MAEL: variants seen among roughly 807,000 people sequenced by gnomAD.
MAEL encodes maelstrom spermatogenic transposon silencer.
Under a neutral mutation model 62.0 loss-of-function variants are expected in MAEL, and 46 were observed. The observed-to-expected ratio is 0.74, with a 90% CI of 0.59 to 0.95. The LOEUF (loss-of-function observed/expected upper bound fraction) is 0.95. Among genes scored for constraint, MAEL ranks in the 40% least tolerant of loss-of-function variants. The pLI is 0.00. For synonymous variants in MAEL, 172 were observed against 175.5 expected (o/e 0.98, Z 0.16); for missense variants, 497 against 526.8 (o/e 0.94, Z 0.55).
chr1:167,016,974 A>G (rs1665421769), intron 9 of MAEL, among the ~76,000 whole-genome samples: 1 of 152,142 alleles, frequency 6.6e-6, no homozygotes, highest in African/African-American at 2.4e-5. Flanking sequence ...AGGAATGATT[A>G]CTAGAGGCTA....
chr1:167,004,305 G>A lies in MAEL; in HGVS notation c.648+1G>A. The A allele has an allele frequency of 6.3e-7, 1 of 1,584,622 alleles. No homozygotes were observed. Among genetic ancestry groups the A allele is most frequent in the Non-Finnish European group, 8.5e-7 (1 of 1,169,856 alleles). ...GAACTGGCCACCTATCTACTGCAAGGTAATTTCAGGTTAAGAAGTTCTTTT... is the reference window on the plus strand; with the variant it reads ...GAACTGGCCACCTATCTACTGCAAGATAATTTCAGGTTAAGAAGTTCTTTT... On this transcript the variant is annotated splice_donor_variant, in intron 6 of 11. Coordinates refer to ENST00000367872, the MANE Select transcript of MAEL (RefSeq NM_032858.3). LOFTEE classifies it high-confidence loss of function.
chr1:167,004,264 T>C lies in MAEL; in HGVS notation c.608T>C (p.Ile203Thr). 6.2e-7 allele frequency: 1 copy of C among 1,609,462 alleles called. No individual in the cohort carries two copies. The highest frequency in any genetic ancestry group is 8.5e-7 in the Non-Finnish European group (1 of 1,177,986). ...GTGTTACAAAACCTTTATAGATTTA[T>C]TCATCCCAACCCAGGGAACTGGCCA... ...ATVLQNLYRF[I>T]HPNPGNWPPI... Residue 203 changes from isoleucine to threonine, a missense_variant, in exon 6 of 12, where the codon ATT becomes ACT. Coordinates refer to ENST00000367872, the MANE Select transcript of MAEL (RefSeq NM_032858.3).
rs767215704 is a variant in MAEL, at chr1:167,017,916, G to T, written c.998G>T (p.Ser333Ile). 1.2e-6 allele frequency: 2 copies of T among 1,613,378 alleles called. No individual in the cohort carries two copies. The highest frequency in any genetic ancestry group is 2.2e-5 in the South Asian group (2 of 91,012). Reference protein sequence around the residue: ...VPLQDYEASNSVTPKMVVLDA... With the variant: ...VPLQDYEASNIVTPKMVVLDA... ...CTACAAGATTATGAGGCCAGCAATA[G>T]TGTGACACCCAAAATGGTTGTATTG... Residue 333 changes from serine to isoleucine, a missense_variant, in exon 10 of 12, where the codon AGT becomes ATT. Physicochemically the swap from Ser to Ile is moderately radical, Grantham distance 142. Coordinates refer to ENST00000367872, the MANE Select transcript of MAEL (RefSeq NM_032858.3).
intron 1 of MAEL, among the ~76,000 whole-genome samples, chr1:166,983,801 A>G (rs1663832965): frequency 6.6e-6 from 1 of 152,068 alleles, no homozygotes; most frequent in African/African-American, 2.4e-5. Context: ...CAGAAGTATG[A>G]GACCAGTCTG....
At position 166,984,027 on chromosome 1, in the gene MAEL, A is replaced by G. The variant is rs184949805; in HGVS notation, c.-120-5374A>G. Among the ~76,000 whole-genome samples, 341 of 149,124 alleles carry G rather than the reference A, an allele frequency of 2.3e-3. 2 individuals carry two copies. The highest frequency in any genetic ancestry group is 3.9e-3 in the Non-Finnish European group (261 of 67,482). Reference sequence around the variant, plus strand: ...AAAAAAAAAAAAAAAAAATGGACCTATGAGGAGAGGAGCAGATAACAGAAA... The same window carrying G: ...AAAAAAAAAAAAAAAAAATGGACCTGTGAGGAGAGGAGCAGATAACAGAAA... On this transcript the variant is annotated intron_variant, in intron 1 of 12. Coordinates refer to the MAEL transcript ENST00000622874.
chr1:166,980,147 A>G (rs759990358), intron 1 of MAEL, among the ~76,000 whole-genome samples: 7 of 152,024 alleles, frequency 4.6e-5, no homozygotes, highest in African/African-American at 7.2e-5. Flanking sequence ...CTTCCCAAGT[A>G]GCTGGGACTG....
intron 5 of MAEL, among the ~76,000 whole-genome samples, chr1:166,995,664 C>CTAGA (rs1157015002): frequency 6.8e-6 from 1 of 147,410 alleles, no homozygotes. Context: ...GGTTATTGAA[C>CTAGA]TAGATGGCAG....
upstream of MAEL, among the ~76,000 whole-genome samples, chr1:166,987,127 C>T (rs1011562218): frequency 6.6e-6 from 1 of 152,058 alleles, no homozygotes; most frequent in Non-Finnish European, 1.5e-5. Context: ...CCACCAACAC[C>T]ACAATTAAGG....
At chr1:167,001,636 C>CTTGCTTG (rs1664673873) in intron 5 of MAEL, among the ~76,000 whole-genome samples, 3 of 152,324 alleles carry the variant, frequency 2.0e-5, no homozygotes, top group Admixed American at 1.3e-4. Context: ...TATTTCAATA[C>CTTGCTTG]TTGCTTTAGT....
chr1:167,017,441 C>T (rs1278698633), intron 9 of MAEL, among the ~76,000 whole-genome samples: 3 of 152,092 alleles, frequency 2.0e-5, no homozygotes, highest in African/African-American at 7.2e-5. Context: ...ACCGGGAGCC[C>T]CAGATAACCT....
At chr1:167,000,980 G>A (rs1447181727) in intron 5 of MAEL, among the ~76,000 whole-genome samples, 1 of 152,212 alleles carries the variant, frequency 6.6e-6, no homozygotes, top group Non-Finnish European at 1.5e-5. Context: ...ATTTGCAATT[G>A]CAAAAATGTG....
intron 1 of MAEL, among the ~76,000 whole-genome samples, chr1:166,976,927 C>A (rs1663606203): frequency 6.6e-6 from 1 of 152,224 alleles, no homozygotes; most frequent in Non-Finnish European, 1.5e-5. Context: ...CCTCCCTGAC[C>A]ATCCCAGCTG....
intron 3 of MAEL, among the ~76,000 whole-genome samples, 170 bp from the exon 4 acceptor site, chr1:166,992,516 T>C (rs1053160906): frequency 1.3e-5 from 2 of 151,992 alleles, no homozygotes; most frequent in African/African-American, 4.8e-5. Context: ...AATTTTGATT[T>C]CTTTATTTGG....
chr1:166,993,529 A>G (rs1664280807), intron 4 of MAEL, among the ~76,000 whole-genome samples: 1 of 152,214 alleles, frequency 6.6e-6, no homozygotes, highest in Admixed American at 6.5e-5. Flanking sequence ...TAATTAGGAC[A>G]TCCCAGCACT....
intron 1 of MAEL, 40 bp from the exon 2 acceptor site, chr1:166,989,697 C>CA (rs760497592): frequency 4.4e-6 from 7 of 1,592,176 alleles, no homozygotes; most frequent in Non-Finnish European, 5.1e-6. Context: ...ACGGGATCCT[C>CA]ACGGCTGTTT....
intron 5 of MAEL, among the ~76,000 whole-genome samples, chr1:166,994,974 ATTTTTTTT>A (rs944951589): frequency 9.1e-6 from 1 of 110,192 alleles, no homozygotes; most frequent in African/African-American, 3.4e-5. Context: ...CCACCCAGTA[ATTTTTTTT>A]TTTTTTTTTT....
At chr1:167,015,905 A>G (rs1342992172) in intron 8 of MAEL, among the ~76,000 whole-genome samples, 1 of 152,138 alleles carries the variant, frequency 6.6e-6, no homozygotes, top group South Asian at 2.1e-4. Context: ...AGTGCCTACC[A>G]CAAGGCCTAG....
chr1:167,005,782 C>A (rs1664868820), intron 8 of MAEL, among the ~76,000 whole-genome samples: 1 of 152,106 alleles, frequency 6.6e-6, no homozygotes, highest in Non-Finnish European at 1.5e-5. Flanking sequence ...GCAAAAATAA[C>A]ACAAAGTTTA....
At chr1:167,016,425 C>T in intron 9 of MAEL, 141 bp downstream of exon 9, 1 of 712,890 alleles carries the variant, frequency 1.4e-6, no homozygotes, top group Non-Finnish European at 2.4e-6. Context: ...CAAATCAAAA[C>T]TACAGTGAGA....
Sources: allele counts gnomAD v4.1 joint callset (sites outside exome capture counted in the v4.1 genomes callset), GRCh38; gene constraint gnomAD v4.1.1; transcripts MANE v1.5; gene names NCBI Gene and HGNC (gene_info 2026-07-23, HGNC 2026-07-21).